CACNA1D: variants seen among roughly 807,000 people sequenced by gnomAD.
CACNA1D encodes the protein voltage-dependent L-type calcium channel subunit alpha-1D.
A neutral mutation model predicts 257.1 loss-of-function variants in CACNA1D; 55 were observed. That is an observed-to-expected ratio of 0.21 (90% CI 0.17 to 0.27). The LOEUF is 0.27. Among genes scored for constraint, CACNA1D ranks in the 10% least tolerant of loss-of-function variants. The probability of loss-of-function intolerance (pLI) is 1.00; values close to 1 mark genes in which losing one functional copy is unlikely to be tolerated. For synonymous variants in CACNA1D, 980 were observed against 1,014.9 expected (o/e 0.97, Z 0.65); for missense variants, 1,876 against 2,784.0 (o/e 0.67, Z 7.34).
At chr3:53,507,487 G>A (rs945742862) in intron 3 of CACNA1D, among the ~76,000 whole-genome samples, 2 of 152,030 alleles carry the variant, frequency 1.3e-5, no homozygotes, top group South Asian at 2.1e-4. Flanking sequence ...GTGTGGTGGC[G>A]TGCACCTGTG....
intron 4 of CACNA1D, 40 bp downstream of exon 4, chr3:53,650,958 A>C: frequency 7.9e-7 from 1 of 1,263,440 alleles, no homozygotes; most frequent in Non-Finnish European, 1.1e-6. Flanking sequence ...GATTTGGAAA[A>C]TGGGAGGTGG....
chr3:53,533,695 C>T (rs2092024638), intron 3 of CACNA1D, among the ~76,000 whole-genome samples: 1 of 152,128 alleles, frequency 6.6e-6, no homozygotes, highest in Non-Finnish European at 1.5e-5. Context: ...GCTGCTATGG[C>T]CGTGGGCGCT....
chr3:53,700,780 A>G (rs956463427), intron 8 of CACNA1D, among the ~76,000 whole-genome samples: 2 of 151,632 alleles, frequency 1.3e-5, no homozygotes, highest in African/African-American at 4.8e-5. Context: ...AGGACCAAGG[A>G]TAGGTTCCAG....
intron 3 of CACNA1D, among the ~76,000 whole-genome samples, chr3:53,504,369 T>C (rs771289953): frequency 5.3e-5 from 8 of 152,156 alleles, no homozygotes; most frequent in Non-Finnish European, 1.2e-4. Flanking sequence ...TATGACTTTT[T>C]TTGGGGAAGA....
At chr3:53,776,167 G>C in intron 35 of CACNA1D, 122 bp downstream of exon 35, 1 of 908,028 alleles carries the variant, frequency 1.1e-6, no homozygotes, top group East Asian at 2.5e-5. Flanking sequence ...GAGCACTCTG[G>C]ACTCCACTTG....
chr3:53,610,080 A>G (rs549937683), intron 3 of CACNA1D, among the ~76,000 whole-genome samples: 7 of 152,186 alleles, frequency 4.6e-5, no homozygotes, highest in Non-Finnish European at 7.4e-5. Flanking sequence ...TTTTAATTCC[A>G]TTATGATCAG....
At chr3:53,559,886 C>T (rs1024931622) in intron 3 of CACNA1D, among the ~76,000 whole-genome samples, 4 of 152,002 alleles carry the variant, frequency 2.6e-5, no homozygotes, top group Admixed American at 2.0e-4. Flanking sequence ...GGAAATTCGC[C>T]CCTTATTCTG....
At chr3:53,784,593 A>G (rs2095442867) in intron 39 of CACNA1D, among the ~76,000 whole-genome samples, 1 of 152,098 alleles carries the variant, frequency 6.6e-6, no homozygotes, top group Non-Finnish European at 1.5e-5. Flanking sequence ...TTAGGCCTGT[A>G]TTTGCTAGAA....
rs1024656044 is a variant in CACNA1D, at chr3:53,495,779, G to A, written c.67+546G>A. On this transcript the variant is annotated intron_variant, in intron 1 of 47. Transcript: ENST00000350061. This position sits in a 1 kb window ranked among gnomAD's most constrained non-coding sequence, Gnocchi z 5.1. The stretch of plus-strand genomic sequence containing the variant: ...TATCGGGGAAAGGGGTTCGGGTGGA[G>A]CGTGCGTTCCCGCTCCCGTCGCCGG... 4.6e-5 allele frequency among the ~76,000 whole-genome samples: 7 copies of A among 152,378 alleles called. No individual in the cohort carries two copies. Among genetic ancestry groups the A allele is most frequent in the African/African-American group, 1.7e-4 (7 of 41,600 alleles).
chr3:53,681,633 T>G (rs918831781), intron 8 of CACNA1D, among the ~76,000 whole-genome samples: 2 of 152,136 alleles, frequency 1.3e-5, no homozygotes, highest in Non-Finnish European at 2.9e-5. Context: ...AGGCACCGTG[T>G]AGGCACTGCA....
At chr3:53,744,692 G>C in intron 22 of CACNA1D, 48 bp from the exon 23 acceptor site, 1 of 981,732 alleles carries the variant, frequency 1.0e-6, no homozygotes. Context: ...AAAGCATCCT[G>C]TCCATTTATA....
Position 53,586,609 on chromosome 3 carries a change from G to A in CACNA1D, c.484-64170G>A, listed in dbSNP as rs114914529. ...GTATTCTAAAACTAACAGTAACAAC[G>A]ATTCTTTACATTTTTATAGAGAGCT... On this transcript the variant is annotated intron_variant, in intron 3 of 47. Transcript: ENST00000350061. Among the ~76,000 whole-genome samples the A allele has an allele frequency of 9.2e-3, 1,402 of 152,182 alleles. 25 individuals are homozygous for A. Among genetic ancestry groups the A allele is most frequent in the African/African-American group, 0.032 (1,336 of 41,520 alleles).
At chr3:53,752,868 G>A (rs2095238174) in intron 28 of CACNA1D, among the ~76,000 whole-genome samples, 1 of 152,184 alleles carries the variant, frequency 6.6e-6, no homozygotes, top group South Asian at 2.1e-4. Context: ...TTCCAGTGGG[G>A]GCAAGAAATG....
rs3774504 is a variant in CACNA1D at position 53,643,198 on chromosome 3, T to G, written c.484-7581T>G. On this transcript the variant is annotated intron_variant, in intron 3 of 47. Coordinates refer to ENST00000350061, the MANE Select transcript of CACNA1D (RefSeq NM_001128840.3). The stretch of plus-strand genomic sequence containing the variant: ...AAACAGACTACTGTAGCCAGTTTCT[T>G]CATGTAAATGTGGTGTTAAATTACC... Among the ~76,000 whole-genome samples, 21 of 152,294 alleles carry G rather than the reference T, an allele frequency of 1.4e-4. No homozygotes were observed. The East Asian group carries it at 3.7e-3, about 27-fold the overall frequency.
In CACNA1D at chr3:53,494,875, A is replaced by G. The variant is rs1040037751; in HGVS notation, c.-292A>G. ...CAGTTCTCCTTTGCAGCAAAAAATT[A>G]CATGTATATATTATTAAGATAATAT... On this transcript the variant is annotated 5_prime_UTR_variant, in exon 1 of 48. Coordinates refer to ENST00000350061, the MANE Select transcript of CACNA1D (RefSeq NM_001128840.3). 4.5e-5 allele frequency: 12 copies of G among 263,870 alleles called. No homozygotes were observed. Among genetic ancestry groups the G allele is most frequent in the Non-Finnish European group, 7.4e-5 (10 of 135,090 alleles). The allele number at this position is 263,870 out of a possible 1,614,324, so 16.3% of individuals were successfully genotyped here.
chr3:53,674,994 G>GA (rs556915627), intron 8 of CACNA1D, among the ~76,000 whole-genome samples: 27 of 152,300 alleles, frequency 1.8e-4, no homozygotes, highest in Middle Eastern at 3.4e-3. Context: ...CGCATTTTTG[G>GA]AAACACTGCC....
chr3:53,641,793 A>G (rs1024522139), intron 3 of CACNA1D, among the ~76,000 whole-genome samples: 2 of 152,202 alleles, frequency 1.3e-5, no homozygotes, highest in African/African-American at 4.8e-5. Flanking sequence ...CTGAGCCTAG[A>G]TGAATTCCCA....
intron 3 of CACNA1D, among the ~76,000 whole-genome samples, chr3:53,531,776 A>G (rs957818148): frequency 1.3e-5 from 2 of 152,208 alleles, no homozygotes; most frequent in African/African-American, 4.8e-5. Flanking sequence ...GGGTATTGCT[A>G]TCAGAGTCAG....
chr3:53,682,195 A>T (rs2094435811), intron 8 of CACNA1D, among the ~76,000 whole-genome samples: 1 of 151,824 alleles, frequency 6.6e-6, no homozygotes, highest in South Asian at 2.1e-4. Context: ...AGATAAGATG[A>T]TTAATAGATG....
Sources: allele counts gnomAD v4.1 joint callset (sites outside exome capture counted in the v4.1 genomes callset), GRCh38; gene constraint gnomAD v4.1.1; non-coding constraint Gnocchi (gnomAD v3.1); transcripts MANE v1.5; gene names NCBI Gene and HGNC (gene_info 2026-07-23, HGNC 2026-07-21).